TRPM1: variants seen among roughly 807,000 people sequenced by gnomAD.
TRPM1 encodes TRPM1-203 APA Isoform, Intron 10.
TRPM1 carries 113 observed loss-of-function variants against 149.4 expected under a neutral mutation model. That is an observed-to-expected ratio of 0.76 (90% CI 0.65 to 0.88). The LOEUF is 0.88. Ranked by LOEUF, TRPM1 falls within the 40% of genes least tolerant of loss-of-function variation. The pLI is 0.00. For missense variants in TRPM1, 1,976 were observed against 2,038.7 expected (o/e 0.97, Z 0.59); for synonymous variants, 741 against 759.5 (o/e 0.98, Z 0.40).
At chr15:31,019,542 C>T (rs1174180020) in intron 27 of TRPM1, among the ~76,000 whole-genome samples, 1 of 152,220 alleles carries the variant, frequency 6.6e-6, no homozygotes, top group Admixed American at 6.5e-5. Flanking sequence ...GCTGGGATTA[C>T]AGATGCTTAC....
rs773549701 is a variant in TRPM1 at position 31,049,432 on chromosome 15, G to T, written c.1515C>A (p.Asn505Lys). The change falls in exon 13 of 28, where the codon AAC (asparagine) becomes AAA (lysine). Residue 505 changes from asparagine (N) to lysine (K), a missense_variant. By Grantham distance (94) the Asn-to-Lys change is moderately conservative (BLOSUM62 0). Transcript: ENST00000256552. The part of the protein sequence containing the change: ...RVDFVKLLIE[N>K]GVNMQHFLTI... ...TCAGAAAGTGTTGCATGTTCACTCC[G>T]TTTTCAATCAGGAGCTTCACAAAGT... The T allele has an allele frequency of 6.2e-7, 1 of 1,614,120 alleles. No individual in the cohort carries two copies. The highest frequency in any genetic ancestry group is 8.5e-7 in the Non-Finnish European group (1 of 1,180,018).
chr15:31,047,651 C>A (rs913851394), intron 14 of TRPM1, among the ~76,000 whole-genome samples: 1 of 152,164 alleles, frequency 6.6e-6, no homozygotes, highest in African/African-American at 2.4e-5. Flanking sequence ...CTGGCGCTGG[C>A]GTCAACCTAT....
At chr15:31,143,711 C>A (rs1300616148) in intron 1 of TRPM1, among the ~76,000 whole-genome samples, 1 of 152,070 alleles carries the variant, frequency 6.6e-6, no homozygotes, top group African/African-American at 2.4e-5. Context: ...TTGTGCCCAG[C>A]CTGTCTTCCA....
intron 11 of TRPM1, among the ~76,000 whole-genome samples, chr15:31,052,725 A>C (rs533159032): frequency 6.6e-6 from 1 of 152,346 alleles, no homozygotes; most frequent in African/African-American, 2.4e-5. Context: ...CAGTGAGCTG[A>C]GATCGTGCCG....
At chr15:31,128,624 C>T (rs1292334467) in intron 1 of TRPM1, among the ~76,000 whole-genome samples, 1 of 152,154 alleles carries the variant, frequency 6.6e-6, no homozygotes, top group Non-Finnish European at 1.5e-5. Flanking sequence ...GCTTCCAGAG[C>T]CATGAAGCCA....
chr15:31,113,442 T>C (rs954286545), intron 1 of TRPM1, among the ~76,000 whole-genome samples: 2 of 142,172 alleles, frequency 1.4e-5, no homozygotes, highest in Non-Finnish European at 3.1e-5. Context: ...GTTTTTTTTT[T>C]TTCAAAATCT....
chr15:31,156,279 G>C (rs994272256), intron 1 of TRPM1, among the ~76,000 whole-genome samples: 1 of 145,034 alleles, frequency 6.9e-6, no homozygotes, highest in African/African-American at 2.5e-5. Flanking sequence ...GAAATGGCCC[G>C]CCATCTTTTG....
chr15:31,050,452 A>T lies in TRPM1; in HGVS notation c.1394T>A (p.Val465Glu), dbSNP rs771408602. Residue 465 changes from valine to glutamate, a missense_variant, in exon 12 of 28, where the codon GTG (valine) becomes GAG (glutamate). Val to Glu is a moderately radical substitution (Grantham distance 121, BLOSUM62 -2). Around this residue, in one of 3 missense-constraint regions of TRPM1, gnomAD observed 1,332 missense variants for 1,347.1 expected, o/e 0.99. Transcript: ENST00000256552. ...GKKKGKVKEE[V>E]EEETDPRKIE... is the part of the protein sequence containing the mutation. ...CTTCCGGGGGTCAGTTTCTTCCTCC[A>T]CTTCCTCTTTCACTTTCCCTTTCTT... 2.8e-5 allele frequency: 45 copies of T among 1,613,206 alleles called. No homozygotes were observed. Among genetic ancestry groups the T allele is most frequent in the Non-Finnish European group, 3.6e-5 (42 of 1,179,854 alleles).
intron 1 of TRPM1, among the ~76,000 whole-genome samples, chr15:31,109,004 G>A (rs2035646297): frequency 6.6e-6 from 1 of 152,184 alleles, no homozygotes; most frequent in Non-Finnish European, 1.5e-5. Context: ...TGCTGGTGCT[G>A]TGTGGAGATA....
At chr15:31,107,535 A>T (rs1285784709) in intron 1 of TRPM1, among the ~76,000 whole-genome samples, 2 of 151,522 alleles carry the variant, frequency 1.3e-5, no homozygotes, top group East Asian at 1.9e-4. Context: ...AATTTCTTCT[A>T]TTGTTTTTCT....
intron 13 of TRPM1, among the ~76,000 whole-genome samples, chr15:31,048,887 A>G (rs1020451304): frequency 2.0e-5 from 3 of 152,226 alleles, no homozygotes; most frequent in Admixed American, 6.5e-5. Context: ...AAATCTTACA[A>G]TAGGGAAGGA....
At chr15:31,132,343 G>A (rs1357649075) in intron 1 of TRPM1, among the ~76,000 whole-genome samples, 1 of 152,210 alleles carries the variant, frequency 6.6e-6, no homozygotes, top group African/African-American at 2.4e-5. Context: ...CTCGGCTCCT[G>A]ATTCAGGGCT....
At chr15:31,034,289 G>T (rs1032821850) in intron 21 of TRPM1, among the ~76,000 whole-genome samples, 1 of 152,198 alleles carries the variant, frequency 6.6e-6, no homozygotes, top group African/African-American at 2.4e-5. Flanking sequence ...ATGTGAGATG[G>T]TATCTGTTCT....
intron 1 of TRPM1, among the ~76,000 whole-genome samples, chr15:31,123,327 T>A (rs1167875279): frequency 6.6e-6 from 1 of 152,078 alleles, no homozygotes; most frequent in Non-Finnish European, 1.5e-5. Context: ...AAGAAAAAAA[T>A]TGATAAACTT....
At chr15:31,083,950 C>T (rs1368776294) in intron 1 of TRPM1, among the ~76,000 whole-genome samples, 1 of 152,170 alleles carries the variant, frequency 6.6e-6, no homozygotes, top group East Asian at 1.9e-4. Flanking sequence ...CCTTTGAAAC[C>T]TATTGTCCTC....
intron 4 of TRPM1, 125 bp from the exon 5 acceptor site, chr15:31,068,217 A>G: frequency 1.2e-6 from 1 of 864,616 alleles, no homozygotes; most frequent in Non-Finnish European, 1.9e-6. Context: ...AGGGCCCTGG[A>G]GCCCTCTGTG....
intron 27 of TRPM1, among the ~76,000 whole-genome samples, chr15:31,025,806 A>G (rs537578021): frequency 6.6e-6 from 1 of 152,360 alleles, no homozygotes; most frequent in South Asian, 2.1e-4. Flanking sequence ...AAGGGAAGTT[A>G]GGAACAAGAG....
chr15:31,088,388 T>A (rs1203469539), intron 1 of TRPM1, among the ~76,000 whole-genome samples: 1 of 152,212 alleles, frequency 6.6e-6, no homozygotes, highest in African/African-American at 2.4e-5. Context: ...CAATAAATGT[T>A]ATTGCTGCAA....
At chr15:31,104,633 G>A (rs7173182), upstream of TRPM1, among the ~76,000 whole-genome samples, 16 of 111,570 alleles carry the variant, frequency 1.4e-4, no homozygotes, top group Middle Eastern at 0.012. Context: ...TTGCTCTGTT[G>A]CCCAGGCTGG....
Sources: gnomAD v4.1 joint callset for allele counts (sites outside exome capture counted in the v4.1 genomes callset) on GRCh38, gnomAD v4.1.1 for gene constraint, gnomAD v4.1.1 regional missense constraint, MANE v1.5 for transcripts, NCBI Gene and HGNC (gene_info 2026-07-23, HGNC 2026-07-21) for gene names.